KIAA1549L: variants seen among roughly 807,000 people sequenced by gnomAD.
KIAA1549L encodes the protein KIAA1549 like.
Under a neutral mutation model 160.7 loss-of-function variants are expected in KIAA1549L, and 88 were observed. The observed-to-expected ratio is 0.55, with a 90% CI of 0.46 to 0.65. The LOEUF is 0.65. KIAA1549L is among the 30% of genes least tolerant of loss of function. The pLI, the probability that KIAA1549L is intolerant of heterozygous loss-of-function variation, is 0.00. For missense variants in KIAA1549L, 2,258 were observed against 2,437.5 expected (o/e 0.93, Z 1.55); for synonymous variants, 950 against 976.7 (o/e 0.97, Z 0.51).
intron 1 of KIAA1549L, among the ~76,000 whole-genome samples, chr11:33,420,659 T>C (rs1356552623): frequency 1.3e-5 from 2 of 152,072 alleles, no homozygotes; most frequent in African/African-American, 2.4e-5. Context: ...AGCAGGGAAG[T>C]TCAGAGAATG....
At chr11:33,407,096 T>TTC (rs1443314106) in intron 1 of KIAA1549L, among the ~76,000 whole-genome samples, 1 of 145,016 alleles carries the variant, frequency 6.9e-6, no homozygotes, top group African/African-American at 2.6e-5. Flanking sequence ...TTTTTTTTTT[T>TTC]TTTTTTGAGA....
chr11:33,435,814 GTGTGTA>G (rs1327815446), intron 1 of KIAA1549L, among the ~76,000 whole-genome samples: 12 of 32,732 alleles, frequency 3.7e-4, no homozygotes, highest in East Asian at 1.3e-3. Context: ...ATATATATGT[GTGTGTA>G]TATATATATA....
chr11:33,634,103 C>T (rs1430110857), intron 16 of KIAA1549L, among the ~76,000 whole-genome samples: 1 of 143,696 alleles, frequency 7.0e-6, no homozygotes, highest in Non-Finnish European at 1.5e-5. Flanking sequence ...AGTGCAGTGG[C>T]ATGATCTCAG....
At chr11:33,527,382 G>A (rs1022996387) in intron 1 of KIAA1549L, among the ~76,000 whole-genome samples, 1 of 152,166 alleles carries the variant, frequency 6.6e-6, no homozygotes, top group Non-Finnish European at 1.5e-5. Flanking sequence ...GGGATAATTG[G>A]CTAGCCACAT....
chr11:33,440,564 G>T (rs1363304992), intron 1 of KIAA1549L, among the ~76,000 whole-genome samples: 1 of 152,128 alleles, frequency 6.6e-6, no homozygotes. Context: ...TACAATATAT[G>T]TAATTAGAAT....
chr11:33,640,550 C>T (rs2133393477), intron 16 of KIAA1549L, among the ~76,000 whole-genome samples: 1 of 152,354 alleles, frequency 6.6e-6, no homozygotes, highest in Non-Finnish European at 1.5e-5. Flanking sequence ...GTCAAGCTCA[C>T]ACTCTCTGTA....
At chr11:33,582,009 A>G (rs948292741) in intron 10 of KIAA1549L, among the ~76,000 whole-genome samples, 2 of 152,236 alleles carry the variant, frequency 1.3e-5, no homozygotes, top group African/African-American at 4.8e-5. Flanking sequence ...TCAGGATAAA[A>G]TAATGATAAA....
intron 16 of KIAA1549L, among the ~76,000 whole-genome samples, chr11:33,637,140 A>T (rs1410735682): frequency 1.3e-5 from 2 of 152,208 alleles, no homozygotes; most frequent in African/African-American, 4.8e-5. Flanking sequence ...CATGTAGCAC[A>T]GTTCCTCTTG....
chr11:33,626,228 G>A (rs1234626022), intron 16 of KIAA1549L, among the ~76,000 whole-genome samples: 2 of 142,174 alleles, frequency 1.4e-5, no homozygotes, highest in Non-Finnish European at 3.0e-5. Flanking sequence ...GCTTAGGATT[G>A]ACTTGGCAAT....
At chr11:33,460,277 G>C (rs993197008) in intron 1 of KIAA1549L, among the ~76,000 whole-genome samples, 10 of 152,162 alleles carry the variant, frequency 6.6e-5, no homozygotes, top group African/African-American at 2.2e-4. Flanking sequence ...TGATGGGAGG[G>C]GGGAGCATGA....
chr11:33,639,153 A>G (rs1851519762), intron 16 of KIAA1549L, among the ~76,000 whole-genome samples: 1 of 152,214 alleles, frequency 6.6e-6, no homozygotes, highest in South Asian at 2.1e-4. Context: ...ATTTTTTAGG[A>G]AGAAGATACT....
intron 1 of KIAA1549L, among the ~76,000 whole-genome samples, chr11:33,516,776 T>A (rs552174919): frequency 3.3e-5 from 5 of 152,352 alleles, no homozygotes; most frequent in African/African-American, 7.2e-5. Flanking sequence ...ACTTTTTTTT[T>A]AGCAAAGGTA....
chr11:33,536,690 C>G (rs138724318), intron 1 of KIAA1549L, among the ~76,000 whole-genome samples: 20 of 152,304 alleles, frequency 1.3e-4, no homozygotes, highest in Admixed American at 2.6e-4. Flanking sequence ...AGAAAAAACT[C>G]AAAACATTGC....
intron 1 of KIAA1549L, among the ~76,000 whole-genome samples, chr11:33,407,232 C>A (rs538642251): frequency 6.6e-6 from 1 of 151,606 alleles, no homozygotes; most frequent in South Asian, 2.1e-4. Context: ...CTACAGGCGC[C>A]TGCCACCACG....
intron 1 of KIAA1549L, among the ~76,000 whole-genome samples, chr11:33,469,922 G>A (rs60688180): frequency 1.6e-4 from 25 of 152,198 alleles, no homozygotes; most frequent in South Asian, 4.1e-4. Flanking sequence ...AGATACAAGC[G>A]TCTTATCAGA....
In KIAA1549L at chr11:33,661,015, G is replaced by A; in HGVS notation, c.6159+1G>A. 1.2e-6 allele frequency: 2 copies of A among 1,607,026 alleles called. No individual in the cohort carries two copies. Among genetic ancestry groups the A allele is most frequent in the Non-Finnish European group, 1.7e-6 (2 of 1,176,530 alleles). On this transcript the variant is annotated splice_donor_variant, in intron 20 of 20. Coordinates refer to ENST00000658780, the MANE Select transcript of KIAA1549L (RefSeq NM_012194.3). LOFTEE classifies it high-confidence loss of function. The stretch of plus-strand genomic sequence containing the variant: ...GCTCCCGAGCCAGTGGGCAGATTCG[G>A]TGAGACCCTTGCTCTTCACCTCATA...
chr11:33,462,026 T>C (rs1590262573), intron 1 of KIAA1549L, among the ~76,000 whole-genome samples: 1 of 152,358 alleles, frequency 6.6e-6, no homozygotes, highest in African/African-American at 2.4e-5. Flanking sequence ...AGGTATATGC[T>C]GACTTCCAAA....
At chr11:33,447,476 A>T (rs1851635498) in intron 1 of KIAA1549L, among the ~76,000 whole-genome samples, 1 of 115,798 alleles carries the variant, frequency 8.6e-6, no homozygotes, top group Admixed American at 8.9e-5. Context: ...CCATCCATCC[A>T]CCCACCCACC....
chr11:33,601,070 T>G (rs986435492), intron 13 of KIAA1549L, among the ~76,000 whole-genome samples: 1 of 152,198 alleles, frequency 6.6e-6, no homozygotes, highest in African/African-American at 2.4e-5. Flanking sequence ...ATATAAGGCT[T>G]AGAAATAAAA....
Sources: allele counts gnomAD v4.1 joint callset (sites outside exome capture counted in the v4.1 genomes callset), GRCh38; gene constraint gnomAD v4.1.1; transcripts MANE v1.5; gene names NCBI Gene and HGNC (gene_info 2026-07-23, HGNC 2026-07-21).